The following PFAS variants were observed in gnomAD, a reference collection of about 807,000 sequenced individuals.
The protein encoded by PFAS is phosphoribosylformylglycinamidine synthase.
In PFAS, 97 loss-of-function variants were observed where a neutral mutation model predicts 140.6. The observed-to-expected ratio is 0.69, with a 90% CI of 0.59 to 0.82. The LOEUF (loss-of-function observed/expected upper bound fraction) is 0.82, where lower values mean the gene tolerates loss of function less well. Ranked by LOEUF, PFAS falls within the 40% of genes least tolerant of loss-of-function variation. The pLI is 0.00. For synonymous variants in PFAS, 679 were observed against 718.8 expected (o/e 0.94, Z 0.88); for missense variants, 1,656 against 1,780.2 (o/e 0.93, Z 1.26).
Position 8,263,502 on chromosome 17 carries a change from T to A in PFAS, c.1568-73T>A, listed in dbSNP as rs1309717247. ...GAACACACCAAATTACAGGCCCCTT[T>A]GGAGGCCAGGGACTGCCCTTTGTTG... On this transcript the variant is annotated intron_variant, in intron 13 of 27. Coordinates refer to ENST00000314666, the MANE Select transcript of PFAS (RefSeq NM_012393.3). 3.8e-6 allele frequency: 5 copies of A among 1,320,228 alleles called. No homozygotes were observed. The African/African-American group carries it at 7.2e-5, about 19-fold the overall frequency. 81.8% of individuals were successfully genotyped at this position (1,320,228 alleles called of 1,614,324 possible).
At position 8,263,569 on chromosome 17, in the gene PFAS, C is replaced by T. The variant is rs771153835; in HGVS notation, c.1568-6C>T. On this transcript the variant is annotated splice_region_variant and splice_polypyrimidine_tract_variant and intron_variant, in intron 13 of 27. Coordinates refer to ENST00000314666, the MANE Select transcript of PFAS (RefSeq NM_012393.3). ...TCACTGCTTCTCCTTGCAACCCTCT[C>T]ACCAGGCAATGTCCTAAAAGAGCTG... 2 of 1,613,286 alleles carry T rather than the reference C, an allele frequency of 1.2e-6. No individual in the cohort carries two copies. Among genetic ancestry groups the T allele is most frequent in the South Asian group, 2.2e-5 (2 of 91,066 alleles).
At chr17:8,251,561 C>T (rs1372612534) in intron 1 of PFAS, among the ~76,000 whole-genome samples, 2 of 151,960 alleles carry the variant, frequency 1.3e-5, no homozygotes, top group Non-Finnish European at 2.9e-5. Context: ...GCTGGGATTA[C>T]AGGCATTGGG....
At chr17:8,261,519 G>A (rs1024149359) in intron 11 of PFAS, among the ~76,000 whole-genome samples, 1 of 152,106 alleles carries the variant, frequency 6.6e-6, no homozygotes, top group African/African-American at 2.4e-5. Flanking sequence ...GATTACAGGC[G>A]TGAGCCACCG....
intron 11 of PFAS, among the ~76,000 whole-genome samples, chr17:8,260,315 C>T (rs931143607): frequency 6.6e-6 from 1 of 152,124 alleles, no homozygotes; most frequent in Non-Finnish European, 1.5e-5. Context: ...CAATTATAAT[C>T]TTAAGGGATC....
rs760209684 is a variant in PFAS, at chr17:8,265,874, A to G, written c.2558A>G (p.Tyr853Cys). 3.7e-6 allele frequency: 6 copies of G among 1,606,522 alleles called. No individual in the cohort carries two copies. The highest frequency in any genetic ancestry group is 4.5e-5 in the East Asian group (2 of 44,808). The change falls in exon 21 of 28, where the codon TAT becomes TGT. Residue 853 changes from tyrosine to cysteine, a missense_variant. Physicochemically the swap from Tyr to Cys is radical, Grantham distance 194. This residue lies in a region of PFAS where 883 missense variants were observed against 1,023.0 expected (regional missense o/e 0.86). Coordinates refer to ENST00000314666, the MANE Select transcript of PFAS (RefSeq NM_012393.3). ...CCCGTCTCCCCAGGCCATCTGCTCT[A>G]TGTGGCTCTGAGCCCTGGGCAGCAC... ...KHPEGRGHLLYVALSPGQHRL... is the reference protein window; with the variant it reads ...KHPEGRGHLLCVALSPGQHRL...
Position 8,264,232 on chromosome 17 carries a change from G to A in PFAS, c.1812G>A (p.Arg604=), listed in dbSNP as rs757465690. Residue 604 remains arginine (R), a synonymous_variant, in exon 16 of 28, where the codon CGG becomes CGA. Transcript: ENST00000314666. ...TATAGATAGTGCTGGTGGACGATCGGGAGTGTCCTGTCAGAAGAAATGGCC... is the reference window on the plus strand; with the variant it reads ...TATAGATAGTGCTGGTGGACGATCGAGAGTGTCCTGTCAGAAGAAATGGCC... ...GDRRIVLVDD[R]ECPVRRNGQG... 6 of 1,614,066 alleles carry A rather than the reference G, an allele frequency of 3.7e-6. No homozygotes were observed. The South Asian group carries it at 5.5e-5, about 15-fold the overall frequency.
chr17:8,268,741 C>A lies in PFAS; in HGVS notation c.3591C>A (p.Asn1197Lys). 1 of 1,612,758 alleles carries A rather than the reference C, an allele frequency of 6.2e-7. No homozygotes were observed. The highest frequency in any genetic ancestry group is 8.5e-7 in the Non-Finnish European group (1 of 1,179,908). The stretch of plus-strand genomic sequence containing the variant: ...GGCCAGGCCTTCTGCTACGCCACAA[C>A]CTGTCTGGGCGCTACGAGTCTCGCT... ...PARPGLLLRH[N>K]LSGRYESRWA... Residue 1197 changes from asparagine (N) to lysine (K), a missense_variant, in exon 27 of 28, where the codon AAC becomes AAA. Physicochemically the swap from Asn to Lys is moderately conservative, Grantham distance 94. Coordinates refer to ENST00000314666, the MANE Select transcript of PFAS (RefSeq NM_012393.3).
chr17:8,265,991 T>C lies in PFAS; in HGVS notation c.2675T>C (p.Phe892Ser). ...LDLPENLVRAFSITQGLLKDR... is the reference protein window; with the variant it reads ...LDLPENLVRASSITQGLLKDR... ...CTTCCTGAGAACTTGGTGCGGGCCT[T>C]CAGCATCACTCAGGGGCTGCTGAAA... is the stretch of plus-strand genomic sequence containing the variant. Residue 892 changes from phenylalanine to serine, a missense_variant, in exon 21 of 28, where the codon TTC becomes TCC. Transcript: ENST00000314666. The C allele has an allele frequency of 6.2e-7, 1 of 1,611,440 alleles. No homozygotes were observed.
chr17:8,267,606 TC>T lies in PFAS; in HGVS notation c.3325del (p.Arg1109ValfsTer25), dbSNP rs1248406032. The T allele has an allele frequency of 6.2e-7, 1 of 1,613,616 alleles. No individual in the cohort carries two copies. The highest frequency in any genetic ancestry group is 8.5e-7 in the Non-Finnish European group (1 of 1,179,646). ...TCTGGGGCAATTGGGCTGGACACTT[TC>T]CGTGGCGTGGCCTTCGTGGGCGGCT... is the stretch of plus-strand genomic sequence containing the variant. ...LCSGAIGLDT[F>X]RGVAFVGGFS... On this transcript the variant is annotated frameshift_variant, in exon 26 of 28. Transcript: ENST00000314666. LOFTEE classifies it high-confidence loss of function. The surrounding 1 kb of genome is among the most constrained non-coding windows in gnomAD (Gnocchi z 4.9).
intron 1 of PFAS, among the ~76,000 whole-genome samples, chr17:8,251,186 C>T (rs1049658058): frequency 2.6e-5 from 4 of 151,894 alleles, no homozygotes; most frequent in African/African-American, 9.7e-5. Context: ...CTCGGGAGAC[C>T]GAGGCAGGAG....
rs753903251 is a variant in PFAS at position 8,255,763 on chromosome 17, G to A, written c.575-42G>A. On this transcript the variant is annotated intron_variant, in intron 5 of 27. Transcript: ENST00000314666. ...GGGTGCTGAGATCTGGAATGTGGCT[G>A]CCTGAGTTCCATAGTCACCTCTTCC... is the stretch of plus-strand genomic sequence containing the variant. 23 of 1,602,324 alleles carry A rather than the reference G, an allele frequency of 1.4e-5. No individual in the cohort carries two copies. In the Admixed American group the frequency reaches 3.5e-4, roughly 24 times the overall value.
At chr17:8,253,705 A>T (rs967430114) in intron 1 of PFAS, 154 bp from the exon 2 acceptor site, 18 of 346,022 alleles carry the variant, frequency 5.2e-5, no homozygotes, top group Non-Finnish European at 9.1e-5. Context: ...ACACCCAGCT[A>T]ATTTTATATT....
At position 8,267,949 on chromosome 17, in the gene PFAS, A is replaced by G. The variant is rs181695559; in HGVS notation, c.3382+284A>G. ...TTATTAAAATGTATATTATTTATAT[A>G]TTATTAAAATATATATTATTTATAT... On this transcript the variant is annotated intron_variant, in intron 26 of 27. Coordinates refer to ENST00000314666, the MANE Select transcript of PFAS (RefSeq NM_012393.3). This position sits in a 1 kb window ranked among gnomAD's most constrained non-coding sequence, Gnocchi z 4.9. Among the ~76,000 whole-genome samples the G allele has an allele frequency of 0.031, 4,463 of 143,252 alleles. 117 individuals are homozygous for G. Among genetic ancestry groups the G allele is most frequent in the Admixed American group, 0.088 (1,244 of 14,162 alleles). The allele number at this position is 143,252 out of a possible 152,430, so 94.0% of individuals were successfully genotyped here. A position where few individuals can be genotyped will look rare whatever the true frequency, so the allele number is the denominator to read the frequency against.
In PFAS at chr17:8,266,191, G is replaced by A. The variant is rs1989805718; in HGVS notation, c.2702-43G>A. The A allele has an allele frequency of 6.2e-7, 1 of 1,610,622 alleles. No homozygotes were observed. Among genetic ancestry groups the A allele is most frequent in the Non-Finnish European group, 8.5e-7 (1 of 1,177,876 alleles). On this transcript the variant is annotated intron_variant, in intron 21 of 27. Transcript: ENST00000314666. This position sits in a 1 kb window ranked among gnomAD's most constrained non-coding sequence, Gnocchi z 5.0. Reference sequence around the variant, plus strand: ...CCGGAAGGTGGGGTGGGGCTGTCAGGTTTGGGTCCCGAGGTTGCTGAGCTT... The same window carrying A: ...CCGGAAGGTGGGGTGGGGCTGTCAGATTTGGGTCCCGAGGTTGCTGAGCTT...
Position 8,264,486 on chromosome 17 carries a change from G to A in PFAS, c.1934G>A (p.Arg645Lys). The change falls in exon 17 of 28, where the codon AGG becomes AAG. Residue 645 changes from arginine to lysine, a missense_variant. This residue lies in a region of PFAS where 883 missense variants were observed against 1,023.0 expected (regional missense o/e 0.86). Transcript: ENST00000314666. The stretch of plus-strand genomic sequence containing the variant: ...GTGTTGCAGGAGTTCTTCCTGCAGA[G>A]GAAGCCCCCCATGCTGCAGCCTCTG... ...KMPRKEFFLQ[R>K]KPPMLQPLAL... The A allele has an allele frequency of 6.2e-7, 1 of 1,613,726 alleles. No individual in the cohort carries two copies. Among genetic ancestry groups the A allele is most frequent in the Non-Finnish European group, 8.5e-7 (1 of 1,179,900 alleles).
In PFAS at chr17:8,253,513, C is replaced by T. The variant is rs1038602753; in HGVS notation, c.-79-346C>T. On this transcript the variant is annotated intron_variant, in intron 1 of 27. Coordinates refer to ENST00000314666, the MANE Select transcript of PFAS (RefSeq NM_012393.3). The stretch of plus-strand genomic sequence containing the variant: ...TCCTTGAAATCTGAAATCAGTTCAA[C>T]AGATAGGCCATAGTTAATGTTATTT... 3.9e-5 allele frequency among the ~76,000 whole-genome samples: 6 copies of T among 152,156 alleles called. 1 individual carries two copies. Among genetic ancestry groups the T allele is most frequent in the Admixed American group, 3.9e-4 (6 of 15,254 alleles).
chr17:8,256,198 G>A (rs1989355610), intron 6 of PFAS, 69 bp from the exon 7 acceptor site: 1 of 1,496,892 alleles, frequency 6.7e-7, no homozygotes, highest in Admixed American at 1.9e-5. Flanking sequence ...AAATGCTGGT[G>A]AGAAGACATG....
chr17:8,252,342 A>G (rs1302545888), intron 1 of PFAS, among the ~76,000 whole-genome samples: 2 of 152,168 alleles, frequency 1.3e-5, no homozygotes, highest in African/African-American at 2.4e-5. Flanking sequence ...TTATGACATG[A>G]TATCATCAAG....
At chr17:8,255,739 G>A in intron 5 of PFAS, 48 bp downstream of exon 5, 1 of 1,603,706 alleles carries the variant, frequency 6.2e-7, no homozygotes, top group South Asian at 1.1e-5. Context: ...GGCCAGTAGG[G>A]GTGCTGAGAT....
Sources: allele counts gnomAD v4.1 joint callset (sites outside exome capture counted in the v4.1 genomes callset), GRCh38; gene constraint gnomAD v4.1.1; regional missense constraint gnomAD v4.1.1; non-coding constraint Gnocchi (gnomAD v3.1); transcripts MANE v1.5; gene names NCBI Gene and HGNC (gene_info 2026-07-23, HGNC 2026-07-21).